Variants in CDYL2 observed in about 807,000 individuals in gnomAD.
CDYL2 encodes chromodomain Y like 2.
In CDYL2, 23 loss-of-function variants were observed where a neutral mutation model predicts 49.4. The observed-to-expected ratio is 0.47, with a 90% CI of 0.34 to 0.66. The LOEUF (loss-of-function observed/expected upper bound fraction) is 0.66, where lower values mean the gene tolerates loss of function less well. Among genes scored for constraint, CDYL2 ranks in the 30% least tolerant of loss-of-function variants. CDYL2 has a pLI of 0.01. For missense variants in CDYL2, 678 were observed against 656.4 expected (o/e 1.03, Z -0.36); for synonymous variants, 360 against 268.8 (o/e 1.34, Z -3.32).
At chr16:80,611,355 C>G (rs1033633375) in intron 5 of CDYL2, among the ~76,000 whole-genome samples, 1 of 152,138 alleles carries the variant, frequency 6.6e-6, no homozygotes, top group Non-Finnish European at 1.5e-5. Flanking sequence ...CTTCTGAGAT[C>G]CAGATGGGAC....
intron 1 of CDYL2, among the ~76,000 whole-genome samples, chr16:80,746,242 G>C (rs1181347786): frequency 6.6e-6 from 1 of 152,182 alleles, no homozygotes; most frequent in African/African-American, 2.4e-5. Context: ...AACTCTGTCT[G>C]AGCAAAAGCA....
intron 1 of CDYL2, among the ~76,000 whole-genome samples, chr16:80,712,554 A>G (rs1904655648): frequency 6.6e-6 from 1 of 152,014 alleles, no homozygotes; most frequent in Non-Finnish European, 1.5e-5. Context: ...AGGATGGGGC[A>G]GGGGCGTCTC....
chr16:80,665,744 C>T (rs143990574), intron 2 of CDYL2, among the ~76,000 whole-genome samples: 12 of 152,038 alleles, frequency 7.9e-5, no homozygotes, highest in African/African-American at 2.7e-4. Flanking sequence ...AGAACAAACT[C>T]GGAGGCAGAA....
At chr16:80,687,816 C>CAA (rs1910258985) in intron 1 of CDYL2, among the ~76,000 whole-genome samples, 1 of 152,142 alleles carries the variant, frequency 6.6e-6, no homozygotes, top group African/African-American at 2.4e-5. Flanking sequence ...AGAAGTATAG[C>CAA]GCCTATCTCT....
chr16:80,760,617 T>C (rs1015975023), intron 1 of CDYL2, among the ~76,000 whole-genome samples: 6 of 152,116 alleles, frequency 3.9e-5, no homozygotes, highest in Admixed American at 3.9e-4. Context: ...GCACCTACTA[T>C]GTCGCCACAA....
At chr16:80,719,511 G>A (rs191610278) in intron 1 of CDYL2, among the ~76,000 whole-genome samples, 27 of 152,222 alleles carry the variant, frequency 1.8e-4, no homozygotes, top group Middle Eastern at 3.4e-3. Flanking sequence ...AAGACCCCTC[G>A]TCATTTGTGT....
At chr16:80,746,994 T>A (rs934504465) in intron 1 of CDYL2, among the ~76,000 whole-genome samples, 4 of 152,020 alleles carry the variant, frequency 2.6e-5, no homozygotes, top group Non-Finnish European at 4.4e-5. Flanking sequence ...AGCCACTACC[T>A]CTCCTGGGTT....
rs894730191 is a variant in CDYL2, at chr16:80,795,865, C to T, written c.24+8285G>A. On this transcript the variant is annotated intron_variant, in intron 1 of 6. Coordinates refer to ENST00000570137, the MANE Select transcript of CDYL2 (RefSeq NM_152342.4). ...ATGATGTGAGCTACTGAAATCAAGG[C>T]ATTTATTTGAAGAAGTAATAGACTG... is the stretch of plus-strand genomic sequence containing the variant. Among the ~76,000 whole-genome samples the T allele has an allele frequency of 2.0e-4, 30 of 152,122 alleles. 1 individual carries two copies. The highest frequency in any genetic ancestry group is 2.0e-3 in the Admixed American group (30 of 15,274).
intron 2 of CDYL2, among the ~76,000 whole-genome samples, chr16:80,636,181 T>G (rs906881076): frequency 2.0e-5 from 3 of 152,034 alleles, no homozygotes; most frequent in African/African-American, 7.3e-5. Context: ...CCAAAAGCAA[T>G]GGTAAGAAAA....
At chr16:80,719,681 C>A (rs1296466788) in intron 1 of CDYL2, among the ~76,000 whole-genome samples, 1 of 152,214 alleles carries the variant, frequency 6.6e-6, no homozygotes, top group African/African-American at 2.4e-5. Context: ...CAATTCTGAA[C>A]CCCTATGTCT....
chr16:80,733,659 GCAGTTGTCACCA>G (rs1445305028), intron 1 of CDYL2, among the ~76,000 whole-genome samples: 1 of 152,162 alleles, frequency 6.6e-6, no homozygotes, highest in Non-Finnish European at 1.5e-5. Flanking sequence ...CTCAAGTAAA[GCAGTTGTCACCA>G]CAAAGGAAGC....
At chr16:80,666,260 G>A (rs1371530392) in intron 2 of CDYL2, among the ~76,000 whole-genome samples, 2 of 152,124 alleles carry the variant, frequency 1.3e-5, no homozygotes, top group Non-Finnish European at 2.9e-5. Flanking sequence ...TATGCTACCT[G>A]CAAAATGAGA....
At chr16:80,721,802 G>A (rs182357950) in intron 1 of CDYL2, among the ~76,000 whole-genome samples, 13 of 152,144 alleles carry the variant, frequency 8.5e-5, no homozygotes, top group East Asian at 7.7e-4. Flanking sequence ...TCCCCTCCCC[G>A]GTGACCATCC....
chr16:80,739,758 G>C (rs1365314814), intron 1 of CDYL2, among the ~76,000 whole-genome samples: 1 of 152,192 alleles, frequency 6.6e-6, no homozygotes, highest in Admixed American at 6.5e-5. Context: ...GCTGCTCTCA[G>C]AGAGACAGAG....
intron 1 of CDYL2, among the ~76,000 whole-genome samples, chr16:80,719,019 A>C (rs1044505207): frequency 6.6e-6 from 1 of 152,222 alleles, no homozygotes; most frequent in Non-Finnish European, 1.5e-5. Flanking sequence ...TTGACGACTT[A>C]ACGCTCCCAG....
At chr16:80,758,582 G>A (rs936794855) in intron 1 of CDYL2, among the ~76,000 whole-genome samples, 7 of 135,120 alleles carry the variant, frequency 5.2e-5, no homozygotes, top group Admixed American at 1.7e-4. Flanking sequence ...CCACACTGTC[G>A]CTCAGGCTGG....
chr16:80,789,276 C>G (rs760784621), intron 1 of CDYL2, among the ~76,000 whole-genome samples: 2 of 152,150 alleles, frequency 1.3e-5, no homozygotes, highest in East Asian at 1.9e-4. Context: ...TACTGGGTAT[C>G]TACCCAAAGG....
At chr16:80,706,360 G>C (rs1214674708) in intron 1 of CDYL2, among the ~76,000 whole-genome samples, 3 of 152,194 alleles carry the variant, frequency 2.0e-5, no homozygotes, top group Non-Finnish European at 4.4e-5. Context: ...AATGCTGGCA[G>C]TGAAGGGCTC....
At chr16:80,745,545 T>C (rs771789593) in intron 1 of CDYL2, among the ~76,000 whole-genome samples, 2 of 152,132 alleles carry the variant, frequency 1.3e-5, no homozygotes, top group Non-Finnish European at 2.9e-5. Flanking sequence ...ACCCCCTTCA[T>C]GGAGTTGGTG....
Sources: allele counts gnomAD v4.1 joint callset (sites outside exome capture counted in the v4.1 genomes callset), GRCh38; gene constraint gnomAD v4.1.1; transcripts MANE v1.5; gene names NCBI Gene and HGNC (gene_info 2026-07-23, HGNC 2026-07-21).